CNNM2: variants seen among roughly 807,000 people sequenced by gnomAD.
CNNM2 encodes metal transporter CNNM2.
Under a neutral mutation model 66.9 loss-of-function variants are expected in CNNM2, and 12 were observed. The ratio of observed to expected loss-of-function variants is 0.18; its 90% confidence interval spans 0.11 to 0.29. The LOEUF is 0.29. CNNM2 is among the 10% of genes least tolerant of loss of function. CNNM2 has a pLI of 1.00. For missense variants in CNNM2, 705 were observed against 1,167.7 expected (o/e 0.60, Z 5.77); for synonymous variants, 557 against 501.8 (o/e 1.11, Z -1.47).
intron 1 of CNNM2, among the ~76,000 whole-genome samples, chr10:103,014,666 C>T (rs1675787411): frequency 6.6e-6 from 1 of 152,010 alleles, no homozygotes. Flanking sequence ...TTAAAAATGC[C>T]TATTTGCTTG....
At chr10:102,925,328 ATTTACTTGGGTCACTT>A in intron 1 of CNNM2, among the ~76,000 whole-genome samples, 1 of 143,242 alleles carries the variant, frequency 7.0e-6, no homozygotes, top group South Asian at 2.3e-4. Flanking sequence ...AAAAAAAAAG[ATTTACTTGGGTCACTT>A]AATAAGAGTA....
In CNNM2 at chr10:103,077,028, C is replaced by T; in HGVS notation, c.2476C>T (p.Gln826Ter). Residue 826 changes from glutamine to a stop codon, truncating the protein, a stop_gained, in exon 8 of 8, where the codon CAG becomes TAG. Transcript: ENST00000369878. LOFTEE classifies it high-confidence loss of function. The stretch of plus-strand genomic sequence containing the variant: ...GGCATCCCGGATGGACAAAACCCCC[C>T]AGTCTTCAGACAGTGAAAACACTAA... ...LMASRMDKTP[Q>*]SSDSENTKIE... The T allele has an allele frequency of 6.2e-7, 1 of 1,614,002 alleles. No homozygotes were observed. Among genetic ancestry groups the T allele is most frequent in the Non-Finnish European group, 8.5e-7 (1 of 1,179,894 alleles).
At chr10:102,975,113 T>C (rs1282323701) in intron 1 of CNNM2, among the ~76,000 whole-genome samples, 1 of 152,068 alleles carries the variant, frequency 6.6e-6, no homozygotes, top group African/African-American at 2.4e-5. Flanking sequence ...TAATTTGCAG[T>C]GAGAGCTGTT....
chr10:103,006,611 G>C (rs1360327370), intron 1 of CNNM2, among the ~76,000 whole-genome samples: 1 of 152,080 alleles, frequency 6.6e-6, no homozygotes, highest in Non-Finnish European at 1.5e-5. Context: ...ATCATGGCCA[G>C]ATACTGAATT....
rs139179358 is a variant in CNNM2 at position 103,059,855 on chromosome 10, A to G, written c.2073+2891A>G. On this transcript the variant is annotated intron_variant, in intron 4 of 7. Transcript: ENST00000369878. ...GAGAAATATACTTTCGAAAAAGCTT[A>G]TGTGGGCTGGGTGTGGTAGCTCATG... 9.4e-3 allele frequency among the ~76,000 whole-genome samples: 1,435 copies of G among 152,354 alleles called. 12 individuals carry two copies. Among genetic ancestry groups the G allele is most frequent in the Middle Eastern group, 0.048 (14 of 294 alleles).
At chr10:102,963,953 T>C (rs1217160018) in intron 1 of CNNM2, among the ~76,000 whole-genome samples, 3 of 152,238 alleles carry the variant, frequency 2.0e-5, no homozygotes, top group Non-Finnish European at 4.4e-5. Flanking sequence ...TGTGCATTGT[T>C]CTGATGGACT....
chr10:103,033,531 A>G (rs955157947), intron 1 of CNNM2, among the ~76,000 whole-genome samples: 9 of 151,916 alleles, frequency 5.9e-5, no homozygotes, highest in Non-Finnish European at 1.3e-4. Flanking sequence ...TGGTGAAGAA[A>G]AAACATGTAC....
chr10:102,929,318 C>A lies in CNNM2; in HGVS notation c.1621+9217C>A, dbSNP rs539373694. 3.9e-5 allele frequency among the ~76,000 whole-genome samples: 6 copies of A among 152,124 alleles called. No individual in the cohort carries two copies. The South Asian group carries it at 1.2e-3, about 32-fold the overall frequency. On this transcript the variant is annotated intron_variant, in intron 1 of 7. Coordinates refer to ENST00000369878, the MANE Select transcript of CNNM2 (RefSeq NM_017649.5). ...CAGTGGCTCATGTCTGTAATCCCAG[C>A]ACTTTAGGAAGCTTTTAGGAAAGCT...
At chr10:103,002,839 T>C (rs933200597) in intron 1 of CNNM2, among the ~76,000 whole-genome samples, 8 of 152,166 alleles carry the variant, frequency 5.3e-5, no homozygotes, top group Admixed American at 5.2e-4. Flanking sequence ...TCTGAAATAG[T>C]TTGGCAGTTA....
intron 1 of CNNM2, among the ~76,000 whole-genome samples, chr10:103,032,832 A>G (rs1012516731): frequency 6.6e-6 from 1 of 151,806 alleles, no homozygotes; most frequent in Non-Finnish European, 1.5e-5. Context: ...AAATATAAAA[A>G]CTTAGCTGAG....
chr10:102,937,914 T>C (rs1170418174), intron 1 of CNNM2, among the ~76,000 whole-genome samples: 1 of 151,812 alleles, frequency 6.6e-6, no homozygotes, highest in East Asian at 1.9e-4. Flanking sequence ...CATGAGCCAC[T>C]GCACCCAACC....
Position 102,986,866 on chromosome 10 carries a change from A to G in CNNM2, c.1622-62841A>G, listed in dbSNP as rs555750950. 4.6e-5 allele frequency among the ~76,000 whole-genome samples: 7 copies of G among 152,136 alleles called. No homozygotes were observed. In the East Asian group the frequency reaches 1.2e-3, roughly 25 times the overall value. On this transcript the variant is annotated intron_variant, in intron 1 of 7. Transcript: ENST00000369878. ...ATTCAGCAGAAGCTGGATAAGCAAT[A>G]ATAGGGATTTTGTGTAAGTGTTGAC... is the stretch of plus-strand genomic sequence containing the variant.
chr10:102,925,053 T>C (rs1306540132), intron 1 of CNNM2, among the ~76,000 whole-genome samples: 1 of 151,848 alleles, frequency 6.6e-6, no homozygotes, highest in Non-Finnish European at 1.5e-5. Flanking sequence ...TCCAGGCACT[T>C]TGGGAGGCTG....
intron 1 of CNNM2, among the ~76,000 whole-genome samples, chr10:103,010,947 T>C (rs2134271126): frequency 6.6e-6 from 1 of 152,306 alleles, no homozygotes; most frequent in South Asian, 2.1e-4. Flanking sequence ...ATATTACTTT[T>C]TCGTTTTTTC....
intron 1 of CNNM2, among the ~76,000 whole-genome samples, chr10:103,007,030 A>G (rs1283340413): frequency 2.0e-5 from 3 of 152,124 alleles, no homozygotes; most frequent in East Asian, 1.9e-4. Flanking sequence ...GGTTCTTTCT[A>G]TTTTCCCTAA....
intron 1 of CNNM2, among the ~76,000 whole-genome samples, chr10:102,979,277 G>A (rs2063684059): frequency 6.6e-6 from 1 of 152,122 alleles, no homozygotes; most frequent in Admixed American, 6.6e-5. Flanking sequence ...TTGTTTGAAA[G>A]CTTGTCAGTG....
rs1431639933 is a variant in CNNM2 at position 103,075,505 on chromosome 10, T to C, written c.2234-581T>C. Among the ~76,000 whole-genome samples the C allele has an allele frequency of 1.3e-5, 2 of 152,192 alleles. 1 individual carries two copies. The highest frequency in any genetic ancestry group is 4.8e-5 in the African/African-American group (2 of 41,452). The stretch of plus-strand genomic sequence containing the variant: ...TCAAACTCGTTAGGGATTTGGTGTC[T>C]TCTAGCTTTCTTGAATTCCTGAGAC... On this transcript the variant is annotated intron_variant, in intron 6 of 7. Coordinates refer to ENST00000369878, the MANE Select transcript of CNNM2 (RefSeq NM_017649.5).
intron 1 of CNNM2, among the ~76,000 whole-genome samples, chr10:102,986,262 T>C (rs1165671222): frequency 6.6e-6 from 1 of 152,116 alleles, no homozygotes; most frequent in Non-Finnish European, 1.5e-5. Context: ...CTTACTTCTA[T>C]CTTATTTTTT....
chr10:103,000,721 A>G (rs1485864206), intron 1 of CNNM2, among the ~76,000 whole-genome samples: 1 of 152,160 alleles, frequency 6.6e-6, no homozygotes, highest in African/African-American at 2.4e-5. Context: ...CTGGGATTAC[A>G]GGTATGTACT....
Sources: allele counts gnomAD v4.1 joint callset (sites outside exome capture counted in the v4.1 genomes callset), GRCh38; gene constraint gnomAD v4.1.1; transcripts MANE v1.5; gene names NCBI Gene and HGNC (gene_info 2026-07-23, HGNC 2026-07-21).